The following CPZ variants were observed in gnomAD, a reference collection of about 807,000 sequenced individuals.
CPZ encodes the protein carboxypeptidase Z, also known as VEZT/CPZ fusion.
Under a neutral mutation model 61.8 loss-of-function variants are expected in CPZ, and 103 were observed. The observed-to-expected ratio is 1.67, with a 90% CI of 1.42 to 1.96. CPZ has a LOEUF of 1.96. Ranked by LOEUF, CPZ falls within the 30% of genes most tolerant of loss-of-function variation. The pLI is 0.00. For missense variants in CPZ, 1,461 were observed against 914.9 expected (o/e 1.60, Z -7.70); for synonymous variants, 551 against 373.7 (o/e 1.47, Z -5.47).
At chr4:8,606,329 C>CAGTATTTGTGTTCATAGCAGCATTATT in intron 5 of CPZ, 144 bp downstream of exon 5, 1 of 820,666 alleles carries the variant, frequency 1.2e-6, no homozygotes, top group Non-Finnish European at 1.9e-6. Context: ...ACTGGCAAAC[C>CAGTATTTGTGTTCATAGCAGCATTATT]CCTGCTTCAG....
intron 1 of CPZ, among the ~76,000 whole-genome samples, chr4:8,595,726 C>A (rs533897641): frequency 9.5e-4 from 145 of 152,354 alleles, no homozygotes; most frequent in African/African-American, 3.2e-3. Flanking sequence ...TAATCCCTGG[C>A]ACCTGTGAAT....
chr4:8,593,338 G>C (rs1023002355), intron 1 of CPZ, among the ~76,000 whole-genome samples: 1 of 152,146 alleles, frequency 6.6e-6, no homozygotes, highest in Non-Finnish European at 1.5e-5. Context: ...GCAAACTCTT[G>C]ACCCCTCCCT....
intron 8 of CPZ, among the ~76,000 whole-genome samples, chr4:8,612,900 A>G (rs1354438360): frequency 6.6e-6 from 1 of 152,230 alleles, no homozygotes; most frequent in Non-Finnish European, 1.5e-5. Flanking sequence ...CTTCCCATGC[A>G]GGCGGGCAGA....
At chr4:8,613,065 C>T (rs4696864) in intron 8 of CPZ, among the ~76,000 whole-genome samples, 33,066 of 151,946 alleles carry the variant, frequency 0.22, 4,420 homozygotes, top group Non-Finnish European at 0.3. Context: ...CAGCCCCCGT[C>T]ATAGCCCTGT....
At chr4:8,610,109 C>T (rs1347542934) in intron 7 of CPZ, among the ~76,000 whole-genome samples, 2 of 152,230 alleles carry the variant, frequency 1.3e-5, no homozygotes, top group African/African-American at 2.4e-5. Flanking sequence ...TAGCCAGTTT[C>T]CCAAGGGCTT....
rs537669644 is a variant in CPZ at position 8,618,226 on chromosome 4, T to G, written c.1504-203T>G. The G allele has an allele frequency of 2.9e-5, 17 of 590,234 alleles. No homozygotes were observed. In the East Asian group the frequency reaches 4.0e-4, roughly 14 times the overall value. The allele number at this position is 590,234 out of a possible 1,614,324, so 36.6% of individuals were successfully genotyped here. On this transcript the variant is annotated intron_variant, in intron 9 of 10. Transcript: ENST00000360986. ...AAAGCCCAGAACGTGCTCGGGTCAA[T>G]TGCCAGGGAGGAAACTGAGGCCCAG...
intron 7 of CPZ, 148 bp downstream of exon 7, chr4:8,607,573 A>G: frequency 1.1e-6 from 1 of 883,800 alleles, no homozygotes; most frequent in Non-Finnish European, 1.7e-6. Context: ...CTCCAGGCCC[A>G]GCTCTGCAGG....
intron 8 of CPZ, among the ~76,000 whole-genome samples, chr4:8,613,156 G>A (rs1415609014): frequency 4.3e-5 from 6 of 140,442 alleles, no homozygotes; most frequent in Admixed American, 2.2e-4. Context: ...TTTTTGAGAC[G>A]GAGTCTCGCT....
chr4:8,614,544 T>G lies in CPZ; in HGVS notation c.1503+46T>G, dbSNP rs201328284. 8.3e-5 allele frequency: 132 copies of G among 1,596,196 alleles called. 1 individual carries two copies. The East Asian group carries it at 2.8e-3, about 34-fold the overall frequency. ...GGCTCTGGTCCAGCTGTGGCCTGGGTGGGGTGGGTCACATTCAGGCCCCCA... is the reference window on the plus strand; with the variant it reads ...GGCTCTGGTCCAGCTGTGGCCTGGGGGGGGTGGGTCACATTCAGGCCCCCA... On this transcript the variant is annotated intron_variant, in intron 9 of 10. Coordinates refer to ENST00000360986, the MANE Select transcript of CPZ (RefSeq NM_001014447.3).
rs200017497 is a variant in CPZ, at chr4:8,612,139, C to T, written c.1340C>T (p.Ala447Val). 23 of 1,477,388 alleles carry T rather than the reference C, an allele frequency of 1.6e-5. No homozygotes were observed. The highest frequency in any genetic ancestry group is 1.9e-4 in the Middle Eastern group (1 of 5,296). The allele number at this position is 1,477,388 out of a possible 1,614,324, so 91.5% of individuals were successfully genotyped here. The change falls in exon 8 of 11, where the codon GCG becomes GTG. Residue 447 changes from alanine (A) to valine (V), a missense_variant. Physicochemically the swap from Ala to Val is moderately conservative, Grantham distance 64. Coordinates refer to ENST00000360986, the MANE Select transcript of CPZ (RefSeq NM_001014447.3). ...FLKRGSIING[A>V]DWYSFTGGMS... ...AAGAGGGGGAGCATCATCAACGGGG[C>T]GGACTGGTACAGCTTCACGGGAGGT...
chr4:8,604,965 C>T (rs1714827216), intron 4 of CPZ, among the ~76,000 whole-genome samples: 1 of 152,242 alleles, frequency 6.6e-6, no homozygotes, highest in Non-Finnish European at 1.5e-5. Flanking sequence ...ACACCCTGGC[C>T]CCCAAGGCTC....
rs201068793 is a variant in CPZ at position 8,607,368 on chromosome 4, C to T, written c.1170C>T (p.Phe390=). Residue 390 remains phenylalanine, a synonymous_variant, in exon 7 of 11, where the codon TTC becomes TTT. Transcript: ENST00000360986. ...HGGDLVVSYP[F]DFSKHPQEEK... The stretch of plus-strand genomic sequence containing the variant: ...GCGACCTGGTGGTGTCCTACCCCTT[C>T]GACTTCTCCAAGCACCCCCAGGAGG... 34 of 1,614,112 alleles carry T rather than the reference C, an allele frequency of 2.1e-5. No individual in the cohort carries two copies. In the East Asian group the frequency reaches 5.3e-4, roughly 25 times the overall value.
In CPZ at chr4:8,619,642, T is replaced by C. The variant is rs1716520433; in HGVS notation, c.*25T>C. On this transcript the variant is annotated 3_prime_UTR_variant, in exon 11 of 11. Transcript: ENST00000360986. ...GCCCCGGCCCCAGCACCCGCCAGGA[T>C]GTGGAGACCGAGGCCCATCTCCGCA... 2 of 1,469,156 alleles carry C rather than the reference T, an allele frequency of 1.4e-6. No individual in the cohort carries two copies. Among genetic ancestry groups the C allele is most frequent in the African/African-American group, 1.4e-5 (1 of 70,296 alleles). The allele number at this position is 1,469,156 out of a possible 1,614,324, so 91.0% of individuals were successfully genotyped here. A position where few individuals can be genotyped will look rare whatever the true frequency, so the allele number is the denominator to read the frequency against.
chr4:8,612,678 C>T (rs1715816568), intron 8 of CPZ, among the ~76,000 whole-genome samples: 1 of 152,192 alleles, frequency 6.6e-6, no homozygotes, highest in South Asian at 2.1e-4. Flanking sequence ...CTTGGGGAGG[C>T]TGCACAGGAG....
chr4:8,605,201 A>ACAT (rs1367489731), intron 4 of CPZ, among the ~76,000 whole-genome samples: 2 of 152,160 alleles, frequency 1.3e-5, no homozygotes, highest in African/African-American at 4.8e-5. Flanking sequence ...GGGGAGGGAG[A>ACAT]CATCATTTTC....
At position 8,612,814 on chromosome 4, in the gene CPZ, G is replaced by A. The variant is rs370609223; in HGVS notation, c.1363+652G>A. Among the ~76,000 whole-genome samples, 3 of 152,340 alleles carry A rather than the reference G, an allele frequency of 2.0e-5. No individual in the cohort carries two copies. In the East Asian group the frequency reaches 5.8e-4, roughly 29 times the overall value. On this transcript the variant is annotated intron_variant, in intron 8 of 10. Coordinates refer to ENST00000360986, the MANE Select transcript of CPZ (RefSeq NM_001014447.3). ...ACAGATGAGAGCGCTGGGCTCAGCT[G>A]AGAGAAGGACTTGCTGGAGGCCCAG...
intron 8 of CPZ, among the ~76,000 whole-genome samples, chr4:8,613,559 C>T (rs1715897224): frequency 6.6e-6 from 1 of 152,234 alleles, no homozygotes. Flanking sequence ...CAGCTGCAGG[C>T]TCTGCGGCTC....
chr4:8,601,645 C>A, intron 3 of CPZ, 148 bp downstream of exon 3: 1 of 870,308 alleles, frequency 1.1e-6, no homozygotes, highest in Non-Finnish European at 1.6e-6. Flanking sequence ...CCCGAGGCAG[C>A]ATGTTCCCCA....
At position 8,604,173 on chromosome 4, in the gene CPZ, G is replaced by T; in HGVS notation, c.694G>T (p.Gly232Cys). 6.4e-7 allele frequency: 1 copy of T among 1,561,162 alleles called. No homozygotes were observed. The highest frequency in any genetic ancestry group is 8.7e-7 in the Non-Finnish European group (1 of 1,151,280). Residue 232 changes from glycine (G) to cysteine (C), a missense_variant, in exon 4 of 11, where the codon GGC becomes TGC. Transcript: ENST00000360986. ...GGTCATCGAGTTCTCCAGCCGCCCC[G>T]GCCAGCACGAGCTGAGTGAGTGCCC... ...LLVIEFSSRP[G>C]QHELMEPEVK...
Sources: allele counts gnomAD v4.1 joint callset (sites outside exome capture counted in the v4.1 genomes callset), GRCh38; gene constraint gnomAD v4.1.1; transcripts MANE v1.5; gene names NCBI Gene and HGNC (gene_info 2026-07-23, HGNC 2026-07-21).